Variants in UGT1A6 observed in about 807,000 individuals in gnomAD.
UGT1A6 encodes UDP glucuronosyltransferase family 1 member A6.
A neutral mutation model predicts 44.4 loss-of-function variants in UGT1A6; 32 were observed. The ratio of observed to expected loss-of-function variants is 0.72; its 90% confidence interval spans 0.54 to 0.97. UGT1A6 has a LOEUF of 0.97. Among genes scored for constraint, UGT1A6 ranks in the 50% least tolerant of loss-of-function variants. The probability of loss-of-function intolerance (pLI) is 0.00; values close to 1 mark genes in which losing one functional copy is unlikely to be tolerated. For missense variants in UGT1A6, 685 were observed against 661.9 expected, an observed-to-expected ratio of 1.03 and a Z score of -0.38; for synonymous variants, 238 against 248.5, an observed-to-expected ratio of 0.96 and a Z score of 0.40.
chr2:233,693,824 A>G lies in UGT1A6; in HGVS notation c.820A>G (p.Ile274Val). The stretch of plus-strand genomic sequence containing the variant: ...GCCGGTCATGCCCAACATGGTCTTC[A>G]TTGGAGGTATCAACTGTAAGAAGAG... ...PRPVMPNMVF[I>V]GGINCKKRKD... Residue 274 changes from isoleucine to valine, a missense_variant, in exon 1 of 5, where the codon ATT (isoleucine) becomes GTT (valine). Ile to Val is a conservative substitution (Grantham distance 29). Coordinates refer to ENST00000305139, the MANE Select transcript of UGT1A6 (RefSeq NM_001072.4). 1 of 1,614,190 alleles carries G rather than the reference A, an allele frequency of 6.2e-7. No homozygotes were observed. The highest frequency in any genetic ancestry group is 2.2e-5 in the East Asian group (1 of 44,882).
At chr2:233,743,087 A>G (rs1244920727) in intron 1 of UGT1A6, 3 of 346,168 alleles carry the variant, frequency 8.7e-6, no homozygotes, top group Non-Finnish European at 1.7e-5. Flanking sequence ...AAGTGTTTAT[A>G]AATTCTTGGG....
intron 1 of UGT1A6, chr2:233,747,809 G>A (rs955692001): frequency 4.3e-6 from 7 of 1,613,214 alleles, no homozygotes; most frequent in Admixed American, 3.3e-5. Flanking sequence ...AGTTACTAAC[G>A]ACCAATTCAG....
At chr2:233,718,692 G>A in intron 1 of UGT1A6, 1 of 1,589,924 alleles carries the variant, frequency 6.3e-7, no homozygotes, top group Middle Eastern at 2.3e-4. Context: ...AACTGGAGGA[G>A]GGCACTTTGT....
rs529035115 is a variant in UGT1A6 at position 233,718,838 on chromosome 2, G to T, written c.861+24973G>T. The T allele has an allele frequency of 2.5e-6, 4 of 1,613,656 alleles. No individual in the cohort carries two copies. The South Asian group carries it at 4.4e-5, about 18-fold the overall frequency. ...CTGCTGAGATGGCCAGAGGACTCCA[G>T]GTTCCCCTGCCGCGGCTGGCCACAG... On this transcript the variant is annotated intron_variant, in intron 1 of 4. Coordinates refer to ENST00000305139, the MANE Select transcript of UGT1A6 (RefSeq NM_001072.4).
chr2:233,692,890 A>C lies in UGT1A6; in HGVS notation c.-115A>C. On this transcript the variant is annotated 5_prime_UTR_variant, in exon 1 of 5. Transcript: ENST00000305139. The stretch of plus-strand genomic sequence containing the variant: ...CAAAGGGTAAAATTCAGAGCAAGGG[A>C]GAGGTAGACAGGACCTGTGAAAAGC... The C allele has an allele frequency of 6.6e-7, 1 of 1,522,444 alleles. No homozygotes were observed. Among genetic ancestry groups the C allele is most frequent in the South Asian group, 1.4e-5 (1 of 73,598 alleles). The allele number at this position is 1,522,444 out of a possible 1,614,324, so 94.3% of individuals were successfully genotyped here. A position where few individuals can be genotyped will look rare whatever the true frequency, so the allele number is the denominator to read the frequency against.
chr2:233,771,958 T>A (rs1232504862), intron 4 of UGT1A6, among the ~76,000 whole-genome samples: 1 of 152,108 alleles, frequency 6.6e-6, no homozygotes, highest in East Asian at 1.9e-4. Context: ...CTACAAAAAA[T>A]TTAAAAATTG....
rs529127963 is a variant in UGT1A6 at position 233,735,165 on chromosome 2, C to T, written c.862-31869C>T. 6.6e-5 allele frequency among the ~76,000 whole-genome samples: 10 copies of T among 152,220 alleles called. No homozygotes were observed. In the East Asian group the frequency reaches 9.6e-4, roughly 15 times the overall value. The stretch of plus-strand genomic sequence containing the variant: ...TGGGAGTCTAAGTCTCTGTGTAGGT[C>T]TCTAAGAACTTGCTTTATGAATCTA... On this transcript the variant is annotated intron_variant, in intron 1 of 4. Transcript: ENST00000305139.
intron 1 of UGT1A6, 101 bp downstream of exon 1, chr2:233,693,966 T>C: frequency 6.3e-7 from 1 of 1,574,826 alleles, no homozygotes. Context: ...GAGGATTTCC[T>C]GGAGAAACGG....
intron 1 of UGT1A6, among the ~76,000 whole-genome samples, chr2:233,728,327 C>T (rs1274244958): frequency 6.6e-6 from 1 of 152,196 alleles, no homozygotes; most frequent in Admixed American, 6.5e-5. Flanking sequence ...CAGGCTCCAG[C>T]TCCCCCAGTC....
intron 1 of UGT1A6, among the ~76,000 whole-genome samples, chr2:233,703,618 A>G (rs1261282473): frequency 1.3e-5 from 2 of 151,894 alleles, no homozygotes; most frequent in Non-Finnish European, 2.9e-5. Flanking sequence ...AAAAAAGTCT[A>G]TTTTATCTGA....
At chr2:233,719,323 C>T in intron 1 of UGT1A6, 1 of 1,613,948 alleles carries the variant, frequency 6.2e-7, no homozygotes, top group Non-Finnish European at 8.5e-7. Flanking sequence ...CTGTCGATTC[C>T]TGCTGTGTTT....
At chr2:233,715,771 C>CA (rs1328948750) in intron 1 of UGT1A6, among the ~76,000 whole-genome samples, 2 of 151,962 alleles carry the variant, frequency 1.3e-5, no homozygotes, top group East Asian at 3.9e-4. Context: ...GGACCCATCT[C>CA]AAAAAAATAA....
chr2:233,736,247 TA>T (rs1432659624), intron 1 of UGT1A6, among the ~76,000 whole-genome samples: 1 of 152,216 alleles, frequency 6.6e-6, no homozygotes, highest in Non-Finnish European at 1.5e-5. Context: ...CTTCTCACTT[TA>T]TTTCATTAAT....
chr2:233,729,416 C>G, intron 1 of UGT1A6: 1 of 1,613,628 alleles, frequency 6.2e-7, no homozygotes, highest in Non-Finnish European at 8.5e-7. Flanking sequence ...CTGGGCCACA[C>G]TCAACTGTAC....
chr2:233,769,849 C>A lies in UGT1A6; in HGVS notation c.1301+1410C>A, dbSNP rs1159124687. ...CAGCAACCTGGGCAACAGAGTGAGA[C>A]CCTGTCTCAAAAAAAAAAAAAAAAA... On this transcript the variant is annotated intron_variant, in intron 4 of 4. Transcript: ENST00000305139. The surrounding 1 kb of genome is among the most constrained non-coding windows in gnomAD (Gnocchi z 4.4). 1 of 524,548 alleles carries A rather than the reference C, an allele frequency of 1.9e-6. No homozygotes were observed. The highest frequency in any genetic ancestry group is 3.0e-6 in the Non-Finnish European group (1 of 331,924). The allele number at this position is 524,548 out of a possible 1,614,324, so 32.5% of individuals were successfully genotyped here.
chr2:233,715,390 T>C (rs1242817087), intron 1 of UGT1A6, among the ~76,000 whole-genome samples: 1 of 152,222 alleles, frequency 6.6e-6, no homozygotes, highest in African/African-American at 2.4e-5. Flanking sequence ...GCTGTTATCA[T>C]TAAATAATAA....
In UGT1A6 at chr2:233,767,042, AGCCTACATTAAT is replaced by A; in HGVS notation, c.873_884del (p.Tyr292_Ala295del). The A allele has an allele frequency of 6.2e-7, 1 of 1,614,104 alleles. No individual in the cohort carries two copies. The highest frequency in any genetic ancestry group is 8.5e-7 in the Non-Finnish European group (1 of 1,179,998). ...TTTTCTTCTGGCTCTAGGAATTTGA[AGCCTACATTAAT>A]GCTTCTGGAGAACATGGAATTGTGG... On this transcript the variant is annotated inframe_deletion, in exon 2 of 5. Coordinates refer to ENST00000305139, the MANE Select transcript of UGT1A6 (RefSeq NM_001072.4).
At chr2:233,725,353 T>G in intron 1 of UGT1A6, among the ~76,000 whole-genome samples, 1 of 141,520 alleles carries the variant, frequency 7.1e-6, no homozygotes, top group African/African-American at 2.6e-5. Flanking sequence ...TAAGAATGTT[T>G]CTTATGAAGA....
intron 1 of UGT1A6, chr2:233,747,954 C>A: frequency 4.3e-6 from 7 of 1,613,446 alleles, no homozygotes; most frequent in Middle Eastern, 1.7e-4. Flanking sequence ...AGTGGTGGAT[C>A]TTCTCAGCCA....
Sources: allele counts gnomAD v4.1 joint callset (sites outside exome capture counted in the v4.1 genomes callset), GRCh38; gene constraint gnomAD v4.1.1; non-coding constraint Gnocchi (gnomAD v3.1); transcripts MANE v1.5; gene names NCBI Gene and HGNC (gene_info 2026-07-23, HGNC 2026-07-21).